Variants in ZNF407 observed in about 807,000 individuals in gnomAD.
ZNF407 encodes the protein zinc finger protein 407.
Under a neutral mutation model 131.2 loss-of-function variants are expected in ZNF407, and 17 were observed. The ratio of observed to expected loss-of-function variants is 0.13; its 90% CI spans 0.09 to 0.19. The LOEUF is 0.19. ZNF407 is among the 10% of genes least tolerant of loss of function. ZNF407 has a pLI of 1.00. For synonymous variants in ZNF407, 1,156 were observed against 1,062.0 expected (o/e 1.09, Z -1.72); for missense variants, 2,681 against 2,830.6 (o/e 0.95, Z 1.20).
chr18:75,058,379 C>T (rs1417553915), intron 8 of ZNF407, among the ~76,000 whole-genome samples: 3 of 152,196 alleles, frequency 2.0e-5, no homozygotes, highest in African/African-American at 7.2e-5. Flanking sequence ...TGCTCACGAA[C>T]GCAAACGGGC....
At chr18:74,692,956 G>A (rs1305140063) in intron 3 of ZNF407, among the ~76,000 whole-genome samples, 3 of 152,172 alleles carry the variant, frequency 2.0e-5, no homozygotes, top group African/African-American at 7.2e-5. Flanking sequence ...CATCCCAGAG[G>A]TGGATTATCT....
intron 7 of ZNF407, among the ~76,000 whole-genome samples, chr18:74,903,684 A>T (rs1032858603): frequency 1.3e-5 from 2 of 152,206 alleles, no homozygotes; most frequent in Non-Finnish European, 2.9e-5. Flanking sequence ...AGCGATGAAG[A>T]GTTCGGGGGT....
chr18:74,782,500 T>C (rs993319043), intron 4 of ZNF407, among the ~76,000 whole-genome samples: 32 of 152,146 alleles, frequency 2.1e-4, no homozygotes, highest in African/African-American at 7.7e-4. Context: ...TTTGGGATCT[T>C]GGGATGTCTC....
chr18:74,785,824 A>G (rs1969695226), intron 4 of ZNF407, among the ~76,000 whole-genome samples: 1 of 151,848 alleles, frequency 6.6e-6, no homozygotes, highest in Non-Finnish European at 1.5e-5. Context: ...CATGGCATGC[A>G]CATGTCACTC....
intron 8 of ZNF407, among the ~76,000 whole-genome samples, chr18:75,032,475 TTG>T (rs1973252622): frequency 6.6e-6 from 1 of 152,188 alleles, no homozygotes; most frequent in East Asian, 1.9e-4. Flanking sequence ...TTGAAATCTC[TTG>T]ACATATTAAC....
chr18:74,657,087 T>G (rs925044485), intron 3 of ZNF407, among the ~76,000 whole-genome samples: 2,156 of 151,848 alleles, frequency 0.014, 28 homozygotes, highest in Non-Finnish European at 0.02. Flanking sequence ...AACTAGTTTT[T>G]TTTTTTTTTT....
chr18:74,647,496 C>G (rs1479614889), intron 3 of ZNF407, among the ~76,000 whole-genome samples: 4 of 152,096 alleles, frequency 2.6e-5, no homozygotes, highest in Admixed American at 1.3e-4. Context: ...TTCCTGATCC[C>G]CACAGTAGAA....
chr18:74,764,463 T>C lies in ZNF407; in HGVS notation c.4803-16965T>C, dbSNP rs114632510. ...CCATCTCTCTACAGTCGATCCTCTG[T>C]ATCCTTGGGTTCTACTTTTGTGGAT... On this transcript the variant is annotated intron_variant, in intron 3 of 8. Transcript: ENST00000299687. Among the ~76,000 whole-genome samples, 1,127 of 152,328 alleles carry C rather than the reference T, an allele frequency of 7.4e-3. 10 individuals are homozygous for C. The highest frequency in any genetic ancestry group is 0.026 in the African/African-American group (1,076 of 41,566).
chr18:74,911,074 A>G (rs1971664003), intron 7 of ZNF407, among the ~76,000 whole-genome samples: 1 of 152,224 alleles, frequency 6.6e-6, no homozygotes, highest in Non-Finnish European at 1.5e-5. Flanking sequence ...GGTGTGTATT[A>G]TGAATGTGTA....
At chr18:74,825,276 C>T (rs555024705) in intron 4 of ZNF407, among the ~76,000 whole-genome samples, 7 of 152,096 alleles carry the variant, frequency 4.6e-5, no homozygotes, top group African/African-American at 7.2e-5. Flanking sequence ...CTTTGTAAAC[C>T]GGCACCAGAC....
At chr18:75,002,569 A>G (rs547882970) in intron 8 of ZNF407, among the ~76,000 whole-genome samples, 4 of 152,236 alleles carry the variant, frequency 2.6e-5, no homozygotes, top group Admixed American at 1.3e-4. Flanking sequence ...TTGGGAGGAC[A>G]AGGCGGGTGG....
chr18:74,989,117 T>C (rs1972688106), intron 8 of ZNF407, among the ~76,000 whole-genome samples: 1 of 152,150 alleles, frequency 6.6e-6, no homozygotes, highest in African/African-American at 2.4e-5. Context: ...TTATGGTCAA[T>C]GGAATACTAT....
chr18:74,853,346 A>C (rs191403302), intron 4 of ZNF407, among the ~76,000 whole-genome samples: 1 of 152,126 alleles, frequency 6.6e-6, no homozygotes, highest in Non-Finnish European at 1.5e-5. Flanking sequence ...CACTGAACCA[A>C]GTTTCTTAGG....
intron 8 of ZNF407, among the ~76,000 whole-genome samples, chr18:74,982,184 T>C (rs1382708060): frequency 6.6e-6 from 1 of 152,242 alleles, no homozygotes; most frequent in East Asian, 1.9e-4. Context: ...TTCCTTCTTT[T>C]GCGAACTTTT....
Position 75,063,558 on chromosome 18 carries a change from G to A in ZNF407, c.5837G>A (p.Gly1946Asp), listed in dbSNP as rs1298779562. The A allele has an allele frequency of 7.0e-6, 11 of 1,567,240 alleles. No homozygotes were observed. The highest frequency in any genetic ancestry group is 9.5e-6 in the Non-Finnish European group (11 of 1,157,644). The change falls in exon 9 of 9, where the codon GGC (glycine) becomes GAC (aspartate). Residue 1946 changes from glycine (G) to aspartate (D), a missense_variant. By Grantham distance (94) the Gly-to-Asp change is moderately conservative. Transcript: ENST00000299687. This position sits in a 1 kb window ranked among gnomAD's most constrained non-coding sequence, Gnocchi z 6.6. ...GCCACCCAGGTGGTCGTCGTGGGGG[G>A]CTCCATGGAAGGCCACGGCATGGAT... ...DGATQVVVVG[G>D]SMEGHGMDES...
At chr18:74,911,084 A>G (rs2554121) in intron 7 of ZNF407, among the ~76,000 whole-genome samples, 145,637 of 152,332 alleles carry the variant, frequency 0.96, 69,945 homozygotes, top group East Asian at 1. Flanking sequence ...ATGAATGTGT[A>G]TATGTACACA....
chr18:74,637,982 A>G (rs996666015), intron 2 of ZNF407, among the ~76,000 whole-genome samples: 6 of 152,212 alleles, frequency 3.9e-5, no homozygotes, highest in Admixed American at 6.5e-5. Flanking sequence ...TCCCTTTCAC[A>G]TTACATTAGC....
chr18:74,976,409 G>T (rs542768433), intron 8 of ZNF407, among the ~76,000 whole-genome samples: 153 of 152,296 alleles, frequency 1.0e-3, no homozygotes, highest in African/African-American at 3.0e-3. Flanking sequence ...CAAGGCGAGG[G>T]TTTCTCTGTA....
At chr18:74,638,915 C>CT (rs954162030) in intron 2 of ZNF407, among the ~76,000 whole-genome samples, 19 of 151,068 alleles carry the variant, frequency 1.3e-4, no homozygotes, top group African/African-American at 2.9e-4. Flanking sequence ...AAAAAGGGCC[C>CT]TTTTTTTTTC....
Sources: gnomAD v4.1 joint callset for allele counts (sites outside exome capture counted in the v4.1 genomes callset) on GRCh38, gnomAD v4.1.1 for gene constraint, Gnocchi (gnomAD v3.1) non-coding constraint, MANE v1.5 for transcripts, NCBI Gene and HGNC (gene_info 2026-07-23, HGNC 2026-07-21) for gene names.